YIPF7: variants seen among roughly 807,000 people sequenced by gnomAD.
YIPF7 encodes Yip1 domain family member 7.
A neutral mutation model predicts 27.2 loss-of-function variants in YIPF7; 35 were observed. That is an observed-to-expected ratio of 1.29 (90% CI 0.98 to 1.70). The LOEUF (loss-of-function observed/expected upper bound fraction) is 1.70, where lower values mean the gene tolerates loss of function less well. Ranked by LOEUF, YIPF7 falls within the 40% of genes most tolerant of loss-of-function variation. The pLI is 0.00. For synonymous variants in YIPF7, 137 were observed against 110.4 expected, an observed-to-expected ratio of 1.24 and a Z score of -1.51; for missense variants, 358 against 303.7, an observed-to-expected ratio of 1.18 and a Z score of -1.33.
rs1246529581 is a variant in YIPF7 at position 44,629,554 on chromosome 4, A to G, written c.281-6T>C. The G allele has an allele frequency of 6.6e-7, 1 of 1,515,876 alleles. No individual in the cohort carries two copies. The highest frequency in any genetic ancestry group is 1.3e-5 in the South Asian group (1 of 76,396). 93.9% of individuals were successfully genotyped at this position (1,515,876 alleles called of 1,614,324 possible). A position where few individuals can be genotyped will look rare whatever the true frequency, so the allele number is the denominator to read the frequency against. On this transcript the variant is annotated splice_region_variant and splice_polypyrimidine_tract_variant and intron_variant, in intron 3 of 5. Transcript: ENST00000415895. ...ATCAAAATGGATTCCAAGTTCTGTAAAAAGGAAAAAAGATAAATAATATGA... is the reference window on the plus strand; with the variant it reads ...ATCAAAATGGATTCCAAGTTCTGTAGAAAGGAAAAAAGATAAATAATATGA...
At position 44,641,382 on chromosome 4, in the gene YIPF7, A is replaced by T. The variant is rs376556906; in HGVS notation, c.117-5297T>A. 5.3e-5 allele frequency among the ~76,000 whole-genome samples: 8 copies of T among 152,326 alleles called. No individual in the cohort carries two copies. In the East Asian group the frequency reaches 1.5e-3, roughly 29 times the overall value. On this transcript the variant is annotated intron_variant, in intron 2 of 5. Coordinates refer to ENST00000415895, the MANE Select transcript of YIPF7 (RefSeq NM_182592.3). ...AAGAGTCCCTTTTTGAAAATGGGCAATTCAACTTTGCCAAGCCATAATACC... is the reference window on the plus strand; with the variant it reads ...AAGAGTCCCTTTTTGAAAATGGGCATTTCAACTTTGCCAAGCCATAATACC...
chr4:44,645,179 C>A (rs1386688167), intron 2 of YIPF7, among the ~76,000 whole-genome samples: 1 of 152,116 alleles, frequency 6.6e-6, no homozygotes, highest in Non-Finnish European at 1.5e-5. Flanking sequence ...TAACCCAATT[C>A]TTATGTTTTA....
intron 5 of YIPF7, 55 bp from the exon 6 acceptor site, chr4:44,622,631 G>A: frequency 6.3e-7 from 1 of 1,581,648 alleles, no homozygotes; most frequent in Non-Finnish European, 8.6e-7. Flanking sequence ...AGATTATTGA[G>A]TTAAAGTTGC....
chr4:44,643,024 T>A (rs1259983981), intron 2 of YIPF7, among the ~76,000 whole-genome samples: 1 of 152,130 alleles, frequency 6.6e-6, no homozygotes. Context: ...GTTTTGGAAC[T>A]GGGTAACAGG....
intron 2 of YIPF7, among the ~76,000 whole-genome samples, chr4:44,639,904 G>C (rs1713269233): frequency 6.6e-6 from 1 of 152,120 alleles, no homozygotes; most frequent in African/African-American, 2.4e-5. Context: ...ATTATGAAAG[G>C]ATGTTGAATT....
At chr4:44,640,479 T>C (rs1713287049) in intron 2 of YIPF7, among the ~76,000 whole-genome samples, 1 of 152,222 alleles carries the variant, frequency 6.6e-6, no homozygotes, top group Non-Finnish European at 1.5e-5. Flanking sequence ...GAAACAGTCC[T>C]CAGGCCTCTG....
At chr4:44,657,585 G>A (rs1284251650) in intron 2 of YIPF7, among the ~76,000 whole-genome samples, 1 of 152,140 alleles carries the variant, frequency 6.6e-6, no homozygotes, top group African/African-American at 2.4e-5. Flanking sequence ...CAGAGCCTGG[G>A]TAAAATTTCT....
chr4:44,636,591 A>G (rs188638596), intron 2 of YIPF7, among the ~76,000 whole-genome samples: 310 of 152,314 alleles, frequency 2.0e-3, no homozygotes, highest in Non-Finnish European at 2.7e-3. Flanking sequence ...AGGAAAAAAT[A>G]TAATTTTAAT....
chr4:44,626,951 A>ATT (rs35211257), intron 4 of YIPF7, among the ~76,000 whole-genome samples: 29,773 of 143,720 alleles, frequency 0.21, 3,273 homozygotes, highest in South Asian at 0.33. Flanking sequence ...AATTTTCTGT[A>ATT]TTTTTTTTTT....
chr4:44,629,881 T>C (rs1280126899), intron 3 of YIPF7, among the ~76,000 whole-genome samples: 1 of 152,254 alleles, frequency 6.6e-6, no homozygotes, highest in Admixed American at 6.5e-5. Flanking sequence ...ATTGGGAAGT[T>C]GGCAATATAC....
rs374407791 is a variant in YIPF7 at position 44,635,958 on chromosome 4, T to A, written c.244A>T (p.Ile82Phe). 1.9e-6 allele frequency: 3 copies of A among 1,613,886 alleles called. No homozygotes were observed. Among genetic ancestry groups the A allele is most frequent in the Admixed American group, 3.3e-5 (2 of 60,004 alleles). ...GGAGGCTCTTCATCAAAACTGTCAA[T>A]GTAAGGAGATTGTGAATAATAATCT... The part of the protein sequence containing the change: ...NSDYYSQSPY[I>F]DSFDEEPPLL... Residue 82 changes from isoleucine (I) to phenylalanine (F), a missense_variant, in exon 3 of 6, where the codon ATT becomes TTT. By Grantham distance (21) the Ile-to-Phe change is conservative. Transcript: ENST00000415895.
At chr4:44,652,969 C>A (rs1444716480), upstream of YIPF7, among the ~76,000 whole-genome samples, 1 of 152,006 alleles carries the variant, frequency 6.6e-6, no homozygotes, top group African/African-American at 2.4e-5. Flanking sequence ...AGGAATTATA[C>A]AATAGAATAT....
In YIPF7 at chr4:44,622,258, A is replaced by T; in HGVS notation, c.*156T>A. 1.1e-6 allele frequency: 1 copy of T among 884,308 alleles called. No homozygotes were observed. The highest frequency in any genetic ancestry group is 1.7e-6 in the Non-Finnish European group (1 of 587,698). 54.8% of individuals were successfully genotyped at this position (884,308 alleles called of 1,614,324 possible). On this transcript the variant is annotated 3_prime_UTR_variant, in exon 6 of 6. Transcript: ENST00000415895. ...AAAACATCATTCAAACCAACAGGCT[A>T]TTAGAGCACCACCCTTAAGTGCTGC...
At chr4:44,634,228 C>T (rs985165192) in intron 3 of YIPF7, among the ~76,000 whole-genome samples, 1 of 152,168 alleles carries the variant, frequency 6.6e-6, no homozygotes, top group African/African-American at 2.4e-5. Context: ...TTAAAGAATG[C>T]TTGCATAGAA....
At chr4:44,657,895 T>C (rs1037275773) in intron 2 of YIPF7, among the ~76,000 whole-genome samples, 2 of 151,918 alleles carry the variant, frequency 1.3e-5, no homozygotes, top group Non-Finnish European at 2.9e-5. Flanking sequence ...AGTTGTGGCT[T>C]AGTGGGATTG....
At position 44,624,700 on chromosome 4, in the gene YIPF7, C is replaced by G; in HGVS notation, c.509G>C (p.Ser170Thr). 6.2e-7 allele frequency: 1 copy of G among 1,610,436 alleles called. No homozygotes were observed. The highest frequency in any genetic ancestry group is 8.5e-7 in the Non-Finnish European group (1 of 1,178,454). Residue 170 changes from serine to threonine, a missense_variant, in exon 5 of 6, where the codon AGC (serine) becomes ACC (threonine). Transcript: ENST00000415895. ...ACAGCCGTACGACACCCCTGAAGAG[C>G]TCATCAGGTTCAGCAAGGCATGAAT... ...LVIHALLNLM[S>T]SSGVSYGCVA...
rs991298177 is a variant in YIPF7 at position 44,650,085 on chromosome 4, G to A, written c.16C>T (p.Gln6Ter). 5 of 1,569,552 alleles carry A rather than the reference G, an allele frequency of 3.2e-6. No individual in the cohort carries two copies. The highest frequency in any genetic ancestry group is 1.7e-4 in the Middle Eastern group (1 of 5,980). Residue 6 changes from glutamine (Q) to a stop codon, truncating the protein, a stop_gained, in exon 2 of 6, where the codon CAA (glutamine) becomes TAA (stop). Transcript: ENST00000415895. LOFTEE classifies it high-confidence loss of function. Reference sequence around the variant, plus strand: ...GATTGGTAAAAATCAGAGTCAAATTGTGCCAAGTTTGACATCCTGAAAAAT... The same window carrying A: ...GATTGGTAAAAATCAGAGTCAAATTATGCCAAGTTTGACATCCTGAAAAAT... MSNLA[Q>*]FDSDFYQSNF...
At chr4:44,646,292 G>A (rs1038483887) in intron 2 of YIPF7, among the ~76,000 whole-genome samples, 1 of 152,226 alleles carries the variant, frequency 6.6e-6, no homozygotes, top group Admixed American at 6.5e-5. Context: ...GGTAGCATGA[G>A]TCAGGGAGTG....
At position 44,658,830 on chromosome 4, in the gene YIPF7, C is replaced by A. The variant is rs1713971504; in HGVS notation, c.-2+1619G>T. 2.0e-5 allele frequency among the ~76,000 whole-genome samples: 3 copies of A among 152,102 alleles called. 1 individual carries two copies. The South Asian group carries it at 6.2e-4, about 32-fold the overall frequency. The stretch of plus-strand genomic sequence containing the variant: ...ACCATTGGATCTTTTGAGATTTATT[C>A]ACTACCATGAGAACAGTGTGGGAGA... On this transcript the variant is annotated intron_variant, in intron 2 of 2. Coordinates refer to the YIPF7 transcript ENST00000508947.
Sources: gnomAD v4.1 joint callset for allele counts (sites outside exome capture counted in the v4.1 genomes callset) on GRCh38, gnomAD v4.1.1 for gene constraint, MANE v1.5 for transcripts, NCBI Gene and HGNC (gene_info 2026-07-23, HGNC 2026-07-21) for gene names.